CERS4: variants seen among roughly 807,000 people sequenced by gnomAD.
CERS4 encodes LAG1 homolog, ceramide synthase 4.
Under a neutral mutation model 51.8 loss-of-function variants are expected in CERS4, and 65 were observed. The observed-to-expected ratio is 1.26, with a 90% confidence interval of 1.03 to 1.54. The LOEUF is 1.54. CERS4 is among the 40% of genes most tolerant of loss of function. The pLI is 0.00. For missense variants in CERS4, 563 were observed against 500.4 expected (o/e 1.13, Z -1.19); for synonymous variants, 228 against 208.4 (o/e 1.09, Z -0.81).
At chr19:8,259,811 C>T (rs1969584395) in intron 10 of CERS4, among the ~76,000 whole-genome samples, 2 of 152,102 alleles carry the variant, frequency 1.3e-5, no homozygotes, top group Admixed American at 1.3e-4. Context: ...TATTTGCAGC[C>T]AGCAGCCTGG....
intron 3 of CERS4, among the ~76,000 whole-genome samples, chr19:8,253,584 C>T (rs1355699121): frequency 6.6e-6 from 1 of 151,650 alleles, no homozygotes; most frequent in African/African-American, 2.4e-5. Flanking sequence ...CTCAGCTCAG[C>T]CTCCCAAATA....
At chr19:8,221,335 C>T (rs759999986) in intron 2 of CERS4, among the ~76,000 whole-genome samples, 3 of 152,046 alleles carry the variant, frequency 2.0e-5, no homozygotes, top group South Asian at 4.2e-4. Context: ...CTGGAGTGCC[C>T]GAGGGCCTGG....
intron 2 of CERS4, chr19:8,238,554 GA>G (rs1386177543): frequency 5.1e-6 from 5 of 985,276 alleles, no homozygotes; most frequent in Non-Finnish European, 6.0e-6. Flanking sequence ...GATGATTCCA[GA>G]AGGGTAAGGA....
intron 2 of CERS4, among the ~76,000 whole-genome samples, chr19:8,246,345 C>G (rs1968787843): frequency 6.6e-6 from 1 of 151,864 alleles, no homozygotes; most frequent in African/African-American, 2.4e-5. Flanking sequence ...ATCGCTTGAG[C>G]CAGGGGTTTG....
At chr19:8,254,678 T>C (rs1027637103) in intron 4 of CERS4, 62 bp downstream of exon 4, 3 of 1,447,320 alleles carry the variant, frequency 2.1e-6, no homozygotes, top group Admixed American at 1.9e-5. Flanking sequence ...GTGGGGATGG[T>C]GTGTGGCCCA....
rs1228566871 is a variant in CERS4, at chr19:8,244,869, G to A, written c.-1-6207G>A. On this transcript the variant is annotated intron_variant, in intron 2 of 11. Coordinates refer to ENST00000251363, the MANE Select transcript of CERS4 (RefSeq NM_024552.3). ...GTCTTGAACTCTTGGCTTTGGCCAG[G>A]CGCGGTGGCTCTCACCTGTAATCCC... is the stretch of plus-strand genomic sequence containing the variant. Among the ~76,000 whole-genome samples the A allele has an allele frequency of 2.0e-5, 3 of 151,952 alleles. No homozygotes were observed. In the East Asian group the frequency reaches 5.9e-4, roughly 30 times the overall value.
chr19:8,215,205 G>A (rs1000863021), intron 2 of CERS4, among the ~76,000 whole-genome samples: 2 of 152,034 alleles, frequency 1.3e-5, no homozygotes, highest in South Asian at 2.1e-4. Flanking sequence ...AGGGCCAGGC[G>A]CGGTGGCTCA....
chr19:8,225,831 C>A (rs1599527136), intron 2 of CERS4, among the ~76,000 whole-genome samples: 1 of 144,514 alleles, frequency 6.9e-6, no homozygotes, highest in Admixed American at 7.0e-5. Flanking sequence ...TACTGCCTGG[C>A]CATTTGTCAG....
intron 6 of CERS4, 32 bp from the exon 7 acceptor site, chr19:8,256,204 C>G (rs999384361): frequency 6.2e-7 from 1 of 1,601,046 alleles, no homozygotes. Flanking sequence ...GGATTCTCAC[C>G]TCTGCACAGC....
chr19:8,252,330 A>G (rs922672836), intron 3 of CERS4, among the ~76,000 whole-genome samples: 29 of 150,576 alleles, frequency 1.9e-4, no homozygotes, highest in Non-Finnish European at 3.4e-4. Context: ...AGATCATGCC[A>G]GTGCACTCCA....
chr19:8,231,873 T>TTTTTTTTTTTTTTTTTTG (rs61532670), intron 2 of CERS4, among the ~76,000 whole-genome samples: 2 of 119,622 alleles, frequency 1.7e-5, no homozygotes, highest in African/African-American at 6.4e-5. Context: ...TTTTTTTTTT[T>TTTTTTTTTTTTTTTTTTG]AGAGACAGTC....
At chr19:8,233,821 C>T (rs78178437) in intron 2 of CERS4, among the ~76,000 whole-genome samples, 8,090 of 151,000 alleles carry the variant, frequency 0.054, 285 homozygotes, top group East Asian at 0.17. Context: ...GAGACCAACC[C>T]GGGTGACATG....
intron 2 of CERS4, among the ~76,000 whole-genome samples, chr19:8,235,587 A>T (rs901716681): frequency 6.6e-6 from 1 of 150,814 alleles, no homozygotes; most frequent in Non-Finnish European, 1.5e-5. Context: ...AATAAATAAA[A>T]AATACAACTT....
chr19:8,261,909 A>C, intron 11 of CERS4, 21 bp from the exon 12 acceptor site: 1 of 1,610,522 alleles, frequency 6.2e-7, no homozygotes, highest in Non-Finnish European at 8.5e-7. Flanking sequence ...TCTGAGCTCC[A>C]TCCCTCTCTC....
At chr19:8,245,691 C>A (rs1968749114) in intron 2 of CERS4, among the ~76,000 whole-genome samples, 1 of 151,732 alleles carries the variant, frequency 6.6e-6, no homozygotes, top group Non-Finnish European at 1.5e-5. Context: ...AGGTGCCCAC[C>A]ACCACCCCTG....
intron 2 of CERS4, among the ~76,000 whole-genome samples, chr19:8,220,267 C>T (rs182276433): frequency 3.3e-5 from 5 of 152,008 alleles, no homozygotes; most frequent in African/African-American, 9.6e-5. Flanking sequence ...CACCCCTCCC[C>T]GAGGCTCCTG....
chr19:8,228,132 T>G (rs1174096138), intron 2 of CERS4, among the ~76,000 whole-genome samples: 2 of 152,118 alleles, frequency 1.3e-5, no homozygotes, highest in African/African-American at 4.8e-5. Flanking sequence ...AGTGCTGAGA[T>G]GACAGGTGTG....
intron 2 of CERS4, among the ~76,000 whole-genome samples, chr19:8,246,891 C>T (rs903037860): frequency 6.6e-6 from 1 of 152,030 alleles, no homozygotes; most frequent in Non-Finnish European, 1.5e-5. Context: ...GAAGGCCGGG[C>T]GCGGTGGCTC....
rs201797716 is a variant in CERS4, at chr19:8,253,428, TACAG to T, written c.174-1067_174-1064del. ...AGAGTTGGTCTGCACACCCTCACCC[TACAG>T]ACAAAGGTCCAGCTGCCTTTTTTTT... On this transcript the variant is annotated intron_variant, in intron 3 of 11. Transcript: ENST00000251363. Among the ~76,000 whole-genome samples, 190 of 147,864 alleles carry T rather than the reference TACAG, an allele frequency of 1.3e-3. 2 individuals are homozygous for T. The East Asian group carries it at 0.029, about 23-fold the overall frequency.
Sources: allele counts gnomAD v4.1 joint callset (sites outside exome capture counted in the v4.1 genomes callset), GRCh38; gene constraint gnomAD v4.1.1; transcripts MANE v1.5; gene names NCBI Gene and HGNC (gene_info 2026-07-23, HGNC 2026-07-21).